The following CDK12 variants were observed in gnomAD, a reference collection of about 807,000 sequenced individuals.
The protein encoded by CDK12 is cyclin dependent kinase 12, also known as cyclin-dependent kinase 12.
CDK12 carries 17 observed loss-of-function variants against 133.8 expected under a neutral mutation model. The ratio of observed to expected loss-of-function variants is 0.13; its 90% CI spans 0.09 to 0.19. The LOEUF is 0.19. CDK12 is among the 10% of genes least tolerant of loss of function. The pLI is 1.00. For synonymous variants in CDK12, 694 were observed against 683.6 expected, an observed-to-expected ratio of 1.02 and a Z score of -0.24; for missense variants, 1,508 against 1,818.7, an observed-to-expected ratio of 0.83 and a Z score of 3.11.
At chr17:39,530,399 A>G (rs1188974777) in intron 13 of CDK12, 1 of 590,680 alleles carries the variant, frequency 1.7e-6, no homozygotes, top group Admixed American at 3.8e-5. Flanking sequence ...ATATTTTTAC[A>G]CTAGCTGTTA....
At chr17:39,518,598 AC>A (rs1255081461) in intron 10 of CDK12, among the ~76,000 whole-genome samples, 1 of 151,478 alleles carries the variant, frequency 6.6e-6, no homozygotes, top group Non-Finnish European at 1.5e-5. Flanking sequence ...TGTGTGTGTC[AC>A]CCAGGTTGGA....
chr17:39,520,119 A>G (rs2054072664), intron 11 of CDK12, 32 bp downstream of exon 11: 1 of 1,612,212 alleles, frequency 6.2e-7, no homozygotes, highest in Non-Finnish European at 8.5e-7. Flanking sequence ...GTGACCCTAA[A>G]TCTTTCCCTG....
chr17:39,524,626 A>G (rs1459227824), intron 11 of CDK12, 48 bp from the exon 12 acceptor site: 8 of 1,478,248 alleles, frequency 5.4e-6, no homozygotes, highest in Non-Finnish European at 5.7e-6. Context: ...CCATTCATTC[A>G]CTGCTGCATT....
At chr17:39,511,164 A>C (rs2053481502) in intron 7 of CDK12, among the ~76,000 whole-genome samples, 1 of 144,836 alleles carries the variant, frequency 6.9e-6, no homozygotes, top group African/African-American at 2.5e-5. Context: ...GCAATGAGCC[A>C]AGATGGCGCC....
intron 13 of CDK12, among the ~76,000 whole-genome samples, chr17:39,528,082 AT>A (rs1219609880): frequency 6.7e-6 from 1 of 148,984 alleles, no homozygotes; most frequent in Non-Finnish European, 1.5e-5. Flanking sequence ...CACCTGGCTA[AT>A]TTTTTTTTGT....
rs141353560 is a variant in CDK12 at position 39,490,613 on chromosome 17, G to A, written c.1988G>A (p.Arg663His). 3.8e-4 allele frequency: 612 copies of A among 1,613,514 alleles called. 1 individual carries two copies. The highest frequency in any genetic ancestry group is 4.9e-4 in the Non-Finnish European group (583 of 1,179,646). Residue 663 changes from arginine to histidine, a missense_variant, in exon 3 of 14, where the codon CGT becomes CAT. This residue lies in a region of CDK12 where 347 missense variants were observed against 330.8 expected (regional missense o/e 1.05). Transcript: ENST00000447079. ...AAGAAAGAGAAGGAACAGAGGACAC[G>A]TCACTTACTCACAGACCTTCCTCTC... is the stretch of plus-strand genomic sequence containing the variant. ...PVKKEKEQRT[R>H]HLLTDLPLPP...
At chr17:39,546,203 G>A (rs11654935), upstream of CDK12, 93,875 of 150,914 alleles carry the variant, frequency 0.62, 32,244 homozygotes, top group South Asian at 0.89. Flanking sequence ...TTTTTGAGAC[G>A]GAGTCCTGCT....
intron 2 of CDK12, among the ~76,000 whole-genome samples, chr17:39,488,561 G>A (rs1037191127): frequency 3.3e-5 from 5 of 151,996 alleles, no homozygotes; most frequent in Non-Finnish European, 5.9e-5. Flanking sequence ...TACAGGGAAA[G>A]CATTCTAAAA....
intron 2 of CDK12, among the ~76,000 whole-genome samples, chr17:39,485,957 CTT>C (rs994932445): frequency 8.4e-5 from 12 of 142,860 alleles, no homozygotes; most frequent in African/African-American, 1.3e-4. Flanking sequence ...TTTTCTTTTT[CTT>C]TTTTTTTTTT....
At chr17:39,558,095 A>T (rs544329239) in intron 3 of CDK12, among the ~76,000 whole-genome samples, 45 of 152,340 alleles carry the variant, frequency 3.0e-4, no homozygotes, top group African/African-American at 1.1e-3. Context: ...ATTGCTTCAA[A>T]GACTTTGTGA....
intron 8 of CDK12, among the ~76,000 whole-genome samples, chr17:39,514,153 C>T (rs976370661): frequency 1.7e-4 from 26 of 152,110 alleles, no homozygotes; most frequent in Non-Finnish European, 2.8e-4. Context: ...ACCTCGGCCT[C>T]ACCAAGTGCC....
chr17:39,544,621 C>T (rs543144654), upstream of CDK12, among the ~76,000 whole-genome samples: 447 of 131,262 alleles, frequency 3.4e-3, 4 homozygotes, highest in African/African-American at 0.012. Flanking sequence ...GGGTAACAGG[C>T]GATCTTTTTT....
intron 2 of CDK12, among the ~76,000 whole-genome samples, chr17:39,476,323 A>G (rs2050187843): frequency 6.6e-6 from 1 of 151,738 alleles, no homozygotes; most frequent in Non-Finnish European, 1.5e-5. Context: ...TTTCTCCTGG[A>G]TGGTCTCGAT....
At chr17:39,501,632 C>G (rs190306167) in intron 6 of CDK12, among the ~76,000 whole-genome samples, 193 bp downstream of exon 6, 2 of 152,112 alleles carry the variant, frequency 1.3e-5, no homozygotes, top group South Asian at 4.1e-4. Flanking sequence ...TCTCAGTTAC[C>G]AGCTTTCTGA....
upstream of CDK12, among the ~76,000 whole-genome samples, chr17:39,548,782 G>T (rs1232102027): frequency 6.6e-6 from 1 of 152,142 alleles, no homozygotes; most frequent in African/African-American, 2.4e-5. Flanking sequence ...GTGCCAAATG[G>T]CCCTGGGGCC....
intron 11 of CDK12, among the ~76,000 whole-genome samples, chr17:39,521,690 G>A (rs1360676837): frequency 6.6e-6 from 1 of 151,934 alleles, no homozygotes; most frequent in Non-Finnish European, 1.5e-5. Context: ...CTACTGAGTA[G>A]CTGGGATTAT....
intron 11 of CDK12, 84 bp from the exon 12 acceptor site, chr17:39,524,590 C>A: frequency 1.7e-6 from 2 of 1,194,106 alleles, no homozygotes; most frequent in Middle Eastern, 2.1e-4. Flanking sequence ...ACAGTCTTTG[C>A]CTTCCCATTT....
At chr17:39,558,601 C>T (rs2056249487) in intron 3 of CDK12, among the ~76,000 whole-genome samples, 1 of 152,056 alleles carries the variant, frequency 6.6e-6, no homozygotes, top group Non-Finnish European at 1.5e-5. Flanking sequence ...TAAAAAATAC[C>T]ACAGTGAATA....
chr17:39,517,609 C>A, intron 10 of CDK12, 53 bp downstream of exon 10: 1 of 1,131,720 alleles, frequency 8.8e-7, no homozygotes, highest in Non-Finnish European at 1.3e-6. Flanking sequence ...GGTGTTGGGA[C>A]TTGGCTTTTT....
Sources: gnomAD v4.1 joint callset for allele counts (sites outside exome capture counted in the v4.1 genomes callset) on GRCh38, gnomAD v4.1.1 for gene constraint, gnomAD v4.1.1 regional missense constraint, MANE v1.5 for transcripts, NCBI Gene and HGNC (gene_info 2026-07-23, HGNC 2026-07-21) for gene names.